The following SORCS2 variants were observed in gnomAD, a reference collection of about 807,000 sequenced individuals.
SORCS2 encodes sortilin related VPS10 domain containing receptor 2.
A neutral mutation model predicts 141.6 loss-of-function variants in SORCS2; 100 were observed. That is an observed-to-expected ratio of 0.71 (90% confidence interval 0.60 to 0.83). The LOEUF (loss-of-function observed/expected upper bound fraction) is 0.83, where lower values mean the gene tolerates loss of function less well. Among genes scored for constraint, SORCS2 ranks in the 40% least tolerant of loss-of-function variants. The pLI, the probability that SORCS2 is intolerant of heterozygous loss-of-function variation, is 0.00. For synonymous variants in SORCS2, 789 were observed against 676.9 expected (o/e 1.17, Z -2.57); for missense variants, 1,646 against 1,560.2 (o/e 1.05, Z -0.93).
chr4:7,391,518 GGGGTGGGGCTCCAT>G (rs1723864133), intron 1 of SORCS2, among the ~76,000 whole-genome samples: 1 of 152,070 alleles, frequency 6.6e-6, no homozygotes, highest in African/African-American at 2.4e-5. Context: ...TGGTGATCAG[GGGGTGGGGCTCCAT>G]GGCCGGCCTA....
At chr4:7,514,214 T>A (rs1339623918) in intron 2 of SORCS2, among the ~76,000 whole-genome samples, 1 of 152,154 alleles carries the variant, frequency 6.6e-6, no homozygotes, top group Non-Finnish European at 1.5e-5. Context: ...CCACCTGACT[T>A]GTGACCAGGG....
intron 14 of SORCS2, among the ~76,000 whole-genome samples, chr4:7,709,677 A>G (rs1725697759): frequency 6.6e-6 from 1 of 152,208 alleles, no homozygotes; most frequent in Non-Finnish European, 1.5e-5. Flanking sequence ...CCACAGCCAC[A>G]GGCTCAGCTT....
At chr4:7,620,687 T>C (rs2108827370) in intron 3 of SORCS2, among the ~76,000 whole-genome samples, 1 of 152,332 alleles carries the variant, frequency 6.6e-6, no homozygotes, top group African/African-American at 2.4e-5. Context: ...GCTGGGTTTG[T>C]GCAGCTCCCC....
chr4:7,531,485 C>T (rs376843656), intron 2 of SORCS2, 45 bp from the exon 3 acceptor site: 75 of 1,586,646 alleles, frequency 4.7e-5, no homozygotes, highest in Non-Finnish European at 6.3e-5. Context: ...ACGAAGGCCA[C>T]ACTTGGAGGG....
intron 2 of SORCS2, among the ~76,000 whole-genome samples, chr4:7,491,395 T>C (rs1034737191): frequency 3.9e-5 from 6 of 152,172 alleles, no homozygotes; most frequent in Admixed American, 6.5e-5. Flanking sequence ...GGAGTCCCGG[T>C]CTCAAGGACC....
intron 1 of SORCS2, among the ~76,000 whole-genome samples, chr4:7,264,631 G>A (rs1027502362): frequency 3.9e-5 from 6 of 152,228 alleles, no homozygotes; most frequent in African/African-American, 2.4e-5. Context: ...TGAGGGTGCT[G>A]TTCTTCTCCT....
At chr4:7,401,984 A>G (rs1434511089) in intron 2 of SORCS2, among the ~76,000 whole-genome samples, 1 of 152,222 alleles carries the variant, frequency 6.6e-6, no homozygotes, top group Non-Finnish European at 1.5e-5. Flanking sequence ...ACAGAGCCAA[A>G]TGAATGTTCA....
intron 11 of SORCS2, among the ~76,000 whole-genome samples, chr4:7,695,396 GTGGTTGGGTGGGTGGGTGGATGGT>G (rs1724552924): frequency 3.7e-5 from 1 of 26,716 alleles, no homozygotes; most frequent in Non-Finnish European, 7.1e-5. Flanking sequence ...TGGTGGGTGG[GTGGTTGGGTGGGTGGGTGGATGGT>G]TGGATGGATG....
chr4:7,309,629 C>G (rs1718054884), intron 1 of SORCS2, among the ~76,000 whole-genome samples: 1 of 152,140 alleles, frequency 6.6e-6, no homozygotes, highest in African/African-American at 2.4e-5. Flanking sequence ...TTTAGTGCCT[C>G]TGAAATGGAG....
At chr4:7,570,278 G>C (rs545522139) in intron 3 of SORCS2, among the ~76,000 whole-genome samples, 2 of 152,132 alleles carry the variant, frequency 1.3e-5, no homozygotes, top group African/African-American at 4.8e-5. Context: ...GCACAGGCAG[G>C]CCGCTGAGCC....
intron 1 of SORCS2, among the ~76,000 whole-genome samples, chr4:7,365,004 GC>G (rs1220008584): frequency 6.6e-6 from 1 of 152,210 alleles, no homozygotes; most frequent in African/African-American, 2.4e-5. Context: ...GGTAAGGCTG[GC>G]CCCTGCCTCA....
intron 1 of SORCS2, among the ~76,000 whole-genome samples, chr4:7,305,478 A>G (rs1054455609): frequency 1.2e-4 from 18 of 151,420 alleles, no homozygotes; most frequent in South Asian, 6.2e-4. Flanking sequence ...ATCCTCCCAC[A>G]TGGCGCTCAG....
At position 7,445,719 on chromosome 4, in the gene SORCS2, A is replaced by G. The variant is rs540371764; in HGVS notation, c.548+49364A>G. On this transcript the variant is annotated intron_variant, in intron 2 of 26. Transcript: ENST00000507866. Reference sequence around the variant, plus strand: ...TGTTGTGGCCCTGGGCCAGTCACTCACCTGTCAGGCTGCCCTTTTGTCAGG... The same window carrying G: ...TGTTGTGGCCCTGGGCCAGTCACTCGCCTGTCAGGCTGCCCTTTTGTCAGG... 3.9e-5 allele frequency among the ~76,000 whole-genome samples: 6 copies of G among 152,246 alleles called. No individual in the cohort carries two copies. The East Asian group carries it at 1.2e-3, about 29-fold the overall frequency.
intron 1 of SORCS2, among the ~76,000 whole-genome samples, chr4:7,303,753 A>G (rs1312734454): frequency 6.6e-6 from 1 of 152,254 alleles, no homozygotes; most frequent in Non-Finnish European, 1.5e-5. Context: ...TTGTGGGTGA[A>G]GGAAAACACC....
At chr4:7,203,169 C>G (rs1176965343) in intron 1 of SORCS2, among the ~76,000 whole-genome samples, 2 of 152,222 alleles carry the variant, frequency 1.3e-5, no homozygotes, top group African/African-American at 4.8e-5. Flanking sequence ...TGGTGGCTCA[C>G]GCCTGTAATC....
At chr4:7,697,764 G>T (rs1397985463) in intron 12 of SORCS2, among the ~76,000 whole-genome samples, 1 of 151,894 alleles carries the variant, frequency 6.6e-6, no homozygotes, top group Non-Finnish European at 1.5e-5. Flanking sequence ...AGAATATGGG[G>T]GGAGGAGCAG....
At chr4:7,306,830 G>C (rs539883026) in intron 1 of SORCS2, among the ~76,000 whole-genome samples, 1 of 152,230 alleles carries the variant, frequency 6.6e-6, no homozygotes, top group South Asian at 2.1e-4. Flanking sequence ...AACACATGCT[G>C]CTTTTGGGGT....
intron 3 of SORCS2, among the ~76,000 whole-genome samples, chr4:7,571,208 C>T (rs911695826): frequency 4.6e-5 from 7 of 152,208 alleles, no homozygotes; most frequent in Admixed American, 1.3e-4. Flanking sequence ...ATGCTCTCTG[C>T]GCATCGCCCC....
At chr4:7,537,414 C>A (rs1171405103) in intron 3 of SORCS2, among the ~76,000 whole-genome samples, 1 of 152,216 alleles carries the variant, frequency 6.6e-6, no homozygotes, top group African/African-American at 2.4e-5. Flanking sequence ...GGTGAGAGGG[C>A]AGCTTGAACG....
Sources: gnomAD v4.1 joint callset for allele counts (sites outside exome capture counted in the v4.1 genomes callset) on GRCh38, gnomAD v4.1.1 for gene constraint, MANE v1.5 for transcripts, NCBI Gene and HGNC (gene_info 2026-07-23, HGNC 2026-07-21) for gene names.